Variants in PTK2B observed in about 807,000 individuals in gnomAD.
PTK2B encodes protein tyrosine kinase 2 beta, also known as protein-tyrosine kinase 2-beta.
PTK2B carries 71 observed loss-of-function variants against 142.9 expected under a neutral mutation model. The ratio of observed to expected loss-of-function variants is 0.50; its 90% CI spans 0.41 to 0.61. The LOEUF is 0.61. Ranked by LOEUF, PTK2B falls within the 20% of genes least tolerant of loss-of-function variation. PTK2B has a pLI of 0.00. For missense variants in PTK2B, 1,105 were observed against 1,320.4 expected, an observed-to-expected ratio of 0.84 and a Z score of 2.53; for synonymous variants, 519 against 503.4, an observed-to-expected ratio of 1.03 and a Z score of -0.42.
At chr8:27,314,182 A>G (rs1234498641) in intron 3 of PTK2B, among the ~76,000 whole-genome samples, 2 of 152,226 alleles carry the variant, frequency 1.3e-5, no homozygotes, top group Admixed American at 1.3e-4. Context: ...ATTTCTACAC[A>G]GCTACTCATA....
intron 1 of PTK2B, among the ~76,000 whole-genome samples, chr8:27,342,431 C>T (rs1248177686): frequency 6.6e-6 from 1 of 152,088 alleles, no homozygotes; most frequent in African/African-American, 2.4e-5. Context: ...CTGAGCCCAG[C>T]CTGCTTTGTT....
chr8:27,434,345 G>A (rs555087697), intron 12 of PTK2B, among the ~76,000 whole-genome samples, 168 bp from the exon 13 acceptor site: 4 of 152,264 alleles, frequency 2.6e-5, no homozygotes, highest in Admixed American at 6.5e-5. Flanking sequence ...GGTTGCTGCT[G>A]TCCCCCAACT....
chr8:27,354,139 A>G (rs1805263459), intron 1 of PTK2B, among the ~76,000 whole-genome samples: 1 of 152,176 alleles, frequency 6.6e-6, no homozygotes. Flanking sequence ...AAAGAAAGGA[A>G]CTTGGTGGCT....
At chr8:27,391,741 CAG>C (rs768600778) in intron 1 of PTK2B, among the ~76,000 whole-genome samples, 6 of 152,186 alleles carry the variant, frequency 3.9e-5, no homozygotes, top group Non-Finnish European at 8.8e-5. Flanking sequence ...CTTAAGAACT[CAG>C]AGATTGTCCA....
At chr8:27,421,459 A>G (rs2131847995) in intron 4 of PTK2B, among the ~76,000 whole-genome samples, 1 of 151,536 alleles carries the variant, frequency 6.6e-6, no homozygotes, top group South Asian at 2.1e-4. Flanking sequence ...TTTATCACTC[A>G]CCCCTTCCCA....
intron 5 of PTK2B, among the ~76,000 whole-genome samples, chr8:27,422,682 C>T (rs754293257): frequency 1.3e-5 from 2 of 152,168 alleles, no homozygotes; most frequent in Non-Finnish European, 1.5e-5. Context: ...GCTGTTCAAG[C>T]GATTCATCAG....
rs1422514959 is a variant in PTK2B, at chr8:27,437,110, C to T, written c.1342-12C>T. The stretch of plus-strand genomic sequence containing the variant: ...GCTGGACCAAGGGGTCCTGAACACA[C>T]TCTTGTTACAGAAAGGGGAGAAAAT... On this transcript the variant is annotated splice_polypyrimidine_tract_variant and intron_variant, in intron 15 of 30. Transcript: ENST00000346049. The T allele has an allele frequency of 4.3e-6, 7 of 1,611,686 alleles. No homozygotes were observed. The highest frequency in any genetic ancestry group is 1.1e-5 in the South Asian group (1 of 91,026).
intron 1 of PTK2B, among the ~76,000 whole-genome samples, chr8:27,383,369 C>T (rs1464395722): frequency 1.3e-5 from 2 of 152,066 alleles, no homozygotes; most frequent in Non-Finnish European, 2.9e-5. Context: ...TCTCAGCCTC[C>T]CAAGTATCTG....
chr8:27,322,880 G>GC (rs1803253717), upstream of PTK2B: 1 of 140,392 alleles, frequency 7.1e-6, no homozygotes, highest in Admixed American at 6.8e-5. Context: ...ATCAGCGCGT[G>GC]CCGCCTCTGT....
intron 1 of PTK2B, among the ~76,000 whole-genome samples, chr8:27,384,752 A>C (rs1807237290): frequency 6.6e-6 from 1 of 152,218 alleles, no homozygotes; most frequent in African/African-American, 2.4e-5. Flanking sequence ...CATGGTCTCC[A>C]TGCACTAGGT....
At chr8:27,418,086 T>G (rs1452271551) in intron 2 of PTK2B, among the ~76,000 whole-genome samples, 1 of 152,214 alleles carries the variant, frequency 6.6e-6, no homozygotes, top group Non-Finnish European at 1.5e-5. Flanking sequence ...GGGCCTCAGT[T>G]CTGATTCCTG....
At chr8:27,441,444 A>G (rs77028137) in intron 21 of PTK2B, among the ~76,000 whole-genome samples, 3,913 of 152,244 alleles carry the variant, frequency 0.026, 174 homozygotes, top group African/African-American at 0.089. Context: ...AATATTTTTA[A>G]TACTGTACTT....
At chr8:27,424,283 A>G (rs988801434) in intron 5 of PTK2B, among the ~76,000 whole-genome samples, 2 of 152,106 alleles carry the variant, frequency 1.3e-5, no homozygotes, top group Non-Finnish European at 2.9e-5. Flanking sequence ...ATATCCTCCA[A>G]TCATCCCCAA....
At chr8:27,318,136 T>C (rs1803132208) in intron 3 of PTK2B, among the ~76,000 whole-genome samples, 1 of 152,244 alleles carries the variant, frequency 6.6e-6, no homozygotes, top group Admixed American at 6.5e-5. Flanking sequence ...GTCTCTGTCC[T>C]GTAAATGGCC....
chr8:27,310,631 A>C (rs1487960321), upstream of PTK2B, among the ~76,000 whole-genome samples: 1 of 152,226 alleles, frequency 6.6e-6, no homozygotes, highest in African/African-American at 2.4e-5. Flanking sequence ...GCCGACCTTG[A>C]AGAAGCAGCC....
At chr8:27,429,743 G>T (rs1396808018) in intron 5 of PTK2B, among the ~76,000 whole-genome samples, 1 of 152,314 alleles carries the variant, frequency 6.6e-6, no homozygotes, top group Admixed American at 6.5e-5. Flanking sequence ...AGGACCTGCA[G>T]GTGAAGGTCA....
Position 27,437,836 on chromosome 8 carries a change from A to G in PTK2B, c.1599A>G (p.Ile533Met), listed in dbSNP as rs369029128. ...CCCTCGTGCTGTACTCACTGCAGAT[A>G]TGCAAAGCCATGGCCTACCTGGAGA... Reference protein sequence around the residue: ...VLTLVLYSLQICKAMAYLESI... With the variant: ...VLTLVLYSLQMCKAMAYLESI... The change falls in exon 18 of 31, where the codon ATA (isoleucine) becomes ATG (methionine). Residue 533 changes from isoleucine (I) to methionine (M), a missense_variant. Transcript: ENST00000346049. 7.0e-5 allele frequency: 113 copies of G among 1,613,462 alleles called. No homozygotes were observed. Among genetic ancestry groups the G allele is most frequent in the Non-Finnish European group, 9.0e-5 (106 of 1,179,892 alleles).
intron 30 of PTK2B, among the ~76,000 whole-genome samples, chr8:27,456,729 G>A (rs1388303063): frequency 6.6e-6 from 1 of 152,202 alleles, no homozygotes; most frequent in East Asian, 1.9e-4. Flanking sequence ...AGTTAGCCAC[G>A]TTGTGAATGC....
chr8:27,421,345 G>A (rs1281701143), intron 4 of PTK2B, among the ~76,000 whole-genome samples: 1 of 151,148 alleles, frequency 6.6e-6, no homozygotes, highest in Non-Finnish European at 1.5e-5. Flanking sequence ...TTTTTTGGGG[G>A]AACAGGTGGT....
Sources: gnomAD v4.1 joint callset for allele counts (sites outside exome capture counted in the v4.1 genomes callset) on GRCh38, gnomAD v4.1.1 for gene constraint, MANE v1.5 for transcripts, NCBI Gene and HGNC (gene_info 2026-07-23, HGNC 2026-07-21) for gene names.